NRG1: variants seen among roughly 807,000 people sequenced by gnomAD.
NRG1 encodes the protein neuregulin 1.
Under a neutral mutation model 63.8 loss-of-function variants are expected in NRG1, and 18 were observed. The ratio of observed to expected loss-of-function variants is 0.28; its 90% CI spans 0.19 to 0.42. The LOEUF (loss-of-function observed/expected upper bound fraction) is 0.42. Ranked by LOEUF, NRG1 falls within the 10% of genes least tolerant of loss-of-function variation. The probability of loss-of-function intolerance (pLI) is 1.00; values close to 1 mark genes in which losing one functional copy is unlikely to be tolerated. For missense variants in NRG1, 762 were observed against 814.7 expected, an observed-to-expected ratio of 0.94 and a Z score of 0.79; for synonymous variants, 302 against 301.3, an observed-to-expected ratio of 1.00 and a Z score of -0.02.
chr8:32,346,199 A>T (rs1386728742), intron 1 of NRG1, among the ~76,000 whole-genome samples: 2 of 147,638 alleles, frequency 1.4e-5, no homozygotes, highest in African/African-American at 4.9e-5. Context: ...ATAGTTATAT[A>T]TGTAGATGAA....
At chr8:32,749,329 GAC>G (rs1196840489) in intron 7 of NRG1, 4 of 591,504 alleles carry the variant, frequency 6.8e-6, no homozygotes, top group South Asian at 2.0e-5. Context: ...GGTTAATAAA[GAC>G]ACAGTGTGCT....
chr8:31,859,454 C>T (rs777382273), intron 1 of NRG1, among the ~76,000 whole-genome samples: 17 of 152,074 alleles, frequency 1.1e-4, no homozygotes, highest in Non-Finnish European at 2.1e-4. Flanking sequence ...ATCTGAAGCT[C>T]GTTCGTAAAC....
intron 1 of NRG1, among the ~76,000 whole-genome samples, chr8:32,006,985 T>C (rs1813881599): frequency 6.6e-6 from 1 of 152,022 alleles, no homozygotes; most frequent in Non-Finnish European, 1.5e-5. Context: ...GCTGTTTATT[T>C]TGAGATGTCA....
chr8:32,623,718 C>T lies in NRG1; in HGVS notation c.502+6833C>T, dbSNP rs75628745. ...CAAGTTACTGCCTTCACAATCAGTT[C>T]TTTTATTCTGTATATGAATATATCT... On this transcript the variant is annotated intron_variant, in intron 5 of 11. Transcript: ENST00000356819. Among the ~76,000 whole-genome samples, 420 of 152,236 alleles carry T rather than the reference C, an allele frequency of 2.8e-3. 3 individuals are homozygous for T. Among genetic ancestry groups the T allele is most frequent in the African/African-American group, 9.7e-3 (401 of 41,540 alleles).
At chr8:32,056,161 A>G (rs1199517344) in intron 1 of NRG1, among the ~76,000 whole-genome samples, 1 of 152,150 alleles carries the variant, frequency 6.6e-6, no homozygotes, top group Non-Finnish European at 1.5e-5. Context: ...AGTTGGCCTG[A>G]TAAATTCATT....
At chr8:31,656,286 C>T (rs553636540) in intron 1 of NRG1, among the ~76,000 whole-genome samples, 2 of 152,258 alleles carry the variant, frequency 1.3e-5, no homozygotes, top group East Asian at 3.9e-4. Context: ...GCATCTGTGT[C>T]CCTCGAACAT....
chr8:31,734,026 G>A (rs1365920499), intron 1 of NRG1, among the ~76,000 whole-genome samples: 2 of 152,096 alleles, frequency 1.3e-5, no homozygotes, highest in African/African-American at 4.8e-5. Context: ...TCCCTGCCAT[G>A]TGTGTGCCTT....
intron 5 of NRG1, among the ~76,000 whole-genome samples, chr8:32,668,332 G>A (rs906525805): frequency 6.6e-5 from 10 of 152,108 alleles, no homozygotes; most frequent in South Asian, 6.2e-4. Context: ...TCTGCTCTGC[G>A]TTGTCAACAG....
At chr8:31,783,830 C>T (rs980548205) in intron 1 of NRG1, among the ~76,000 whole-genome samples, 17 of 152,282 alleles carry the variant, frequency 1.1e-4, no homozygotes, top group African/African-American at 2.9e-4. Context: ...TATGGTATCA[C>T]GATCCTCATA....
chr8:32,204,771 C>G (rs185715796), intron 1 of NRG1, among the ~76,000 whole-genome samples: 113 of 152,154 alleles, frequency 7.4e-4, no homozygotes, highest in Non-Finnish European at 1.4e-3. Context: ...TAGTTTTTGT[C>G]TTTTGGGTTT....
intron 1 of NRG1, among the ~76,000 whole-genome samples, chr8:32,228,539 T>C (rs923916768): frequency 6.6e-6 from 1 of 152,194 alleles, no homozygotes; most frequent in East Asian, 1.9e-4. Flanking sequence ...TGGAATCATT[T>C]ATTAGTTTTT....
chr8:32,207,733 A>G (rs1341529177), intron 1 of NRG1, among the ~76,000 whole-genome samples: 1 of 152,232 alleles, frequency 6.6e-6, no homozygotes, highest in Non-Finnish European at 1.5e-5. Flanking sequence ...GCCAGAGTTA[A>G]AAATATCTGA....
intron 1 of NRG1, among the ~76,000 whole-genome samples, chr8:31,660,482 A>C (rs759758125): frequency 1.3e-5 from 2 of 152,228 alleles, no homozygotes; most frequent in Admixed American, 1.3e-4. Context: ...GGGTGTGTTA[A>C]GATGATTTGC....
At chr8:32,283,825 G>A (rs1409993721) in intron 1 of NRG1, among the ~76,000 whole-genome samples, 1 of 152,146 alleles carries the variant, frequency 6.6e-6, no homozygotes, top group African/African-American at 2.4e-5. Flanking sequence ...AATGGCCTGA[G>A]CTGAAATTAA....
At chr8:31,819,311 G>A (rs1823779253) in intron 1 of NRG1, among the ~76,000 whole-genome samples, 1 of 152,116 alleles carries the variant, frequency 6.6e-6, no homozygotes. Context: ...AGATATTTGT[G>A]AAAAACATAT....
intron 1 of NRG1, among the ~76,000 whole-genome samples, chr8:31,937,730 G>A (rs1801133596): frequency 6.6e-6 from 1 of 152,128 alleles, no homozygotes; most frequent in African/African-American, 2.4e-5. Flanking sequence ...GTGGGGTGAG[G>A]CCTGTGATTG....
intron 1 of NRG1, among the ~76,000 whole-genome samples, chr8:32,126,010 T>C (rs1834028100): frequency 6.6e-6 from 1 of 151,892 alleles, no homozygotes; most frequent in Non-Finnish European, 1.5e-5. Flanking sequence ...ATACTTCTAG[T>C]ATGGCCCTTT....
intron 1 of NRG1, among the ~76,000 whole-genome samples, chr8:32,267,064 GAAA>G (rs1303621541): frequency 1.4e-5 from 2 of 140,066 alleles, no homozygotes; most frequent in Admixed American, 7.5e-5. Flanking sequence ...AAGAAAGAAA[GAAA>G]AAAAGAAAGA....
intron 1 of NRG1, among the ~76,000 whole-genome samples, chr8:31,861,660 C>T (rs1367848752): frequency 6.6e-6 from 1 of 152,150 alleles, no homozygotes; most frequent in Non-Finnish European, 1.5e-5. Context: ...CAAAGCCTAG[C>T]TTTAAGAAAA....
Sources: allele counts gnomAD v4.1 joint callset (sites outside exome capture counted in the v4.1 genomes callset), GRCh38; gene constraint gnomAD v4.1.1; transcripts MANE v1.5; gene names NCBI Gene and HGNC (gene_info 2026-07-23, HGNC 2026-07-21).